Variants in SLC26A7 observed in about 807,000 individuals in gnomAD.
SLC26A7 encodes anion exchange transporter.
In SLC26A7, 59 loss-of-function variants were observed where a neutral mutation model predicts 82.5. That is an observed-to-expected ratio of 0.72 (90% CI 0.58 to 0.89). SLC26A7 has a LOEUF of 0.89. SLC26A7 is among the 40% of genes least tolerant of loss of function. The probability of loss-of-function intolerance (pLI) is 0.00; values close to 1 mark genes in which losing one functional copy is unlikely to be tolerated. For missense variants in SLC26A7, 820 were observed against 793.0 expected, an observed-to-expected ratio of 1.03 and a Z score of -0.41; for synonymous variants, 271 against 274.3, an observed-to-expected ratio of 0.99 and a Z score of 0.12.
At position 91,395,315 on chromosome 8, in the gene SLC26A7, A is replaced by T; in HGVS notation, c.*218A>T. 1 of 1,224,530 alleles carries T rather than the reference A, an allele frequency of 8.2e-7. No homozygotes were observed. Among genetic ancestry groups the T allele is most frequent in the South Asian group, 2.2e-5 (1 of 45,302 alleles). The allele number at this position is 1,224,530 out of a possible 1,614,324, so 75.9% of individuals were successfully genotyped here. A position where few individuals can be genotyped will look rare whatever the true frequency, so the allele number is the denominator to read the frequency against. ...AGATTCGCTTAGTTATTTTATGTAA[A>T]AATCAGTATGTGTTTAGTTTTAGTG... is the stretch of plus-strand genomic sequence containing the variant. On this transcript the variant is annotated 3_prime_UTR_variant, in exon 19 of 19. Transcript: ENST00000276609.
chr8:91,365,082 A>C (rs570514774), intron 13 of SLC26A7, among the ~76,000 whole-genome samples: 2 of 152,252 alleles, frequency 1.3e-5, no homozygotes, highest in South Asian at 4.2e-4. Flanking sequence ...GATTTGAGAG[A>C]TCTCTTCCCA....
At chr8:91,289,346 A>G (rs1448657803) in intron 3 of SLC26A7, 100 bp downstream of exon 3, 2 of 861,640 alleles carry the variant, frequency 2.3e-6, no homozygotes, top group African/African-American at 3.3e-5. Context: ...TCACTGCTGA[A>G]AACCACAGCA....
chr8:91,374,258 G>T (rs559647202), intron 15 of SLC26A7, among the ~76,000 whole-genome samples: 87 of 151,096 alleles, frequency 5.8e-4, no homozygotes, highest in African/African-American at 1.9e-3. Context: ...CTTTTCATCT[G>T]CTAGCTTTGG....
chr8:91,263,631 A>G (rs886910664), intron 2 of SLC26A7, among the ~76,000 whole-genome samples: 2 of 151,980 alleles, frequency 1.3e-5, no homozygotes, highest in Non-Finnish European at 2.9e-5. Context: ...TGCCTGGAAT[A>G]TTCTCTTAGT....
chr8:91,334,839 A>G (rs1023174745), intron 6 of SLC26A7, among the ~76,000 whole-genome samples: 5 of 152,180 alleles, frequency 3.3e-5, no homozygotes, highest in African/African-American at 9.6e-5. Flanking sequence ...AGATATGTAT[A>G]GAAATATTAT....
At position 91,239,393 on chromosome 8, in the gene SLC26A7, A is replaced by ATATATAT. The variant is rs1290343702; in HGVS notation, c.-33-10226_-33-10225insTATATAT. On this transcript the variant is annotated intron_variant, in intron 2 of 5. Coordinates refer to the SLC26A7 transcript ENST00000522862. ...TCCGTCTCAAAAAAAAAAAAAAAAAAAAATATATATATATATATGTATATG... is the reference window on the plus strand; with the variant it reads ...TCCGTCTCAAAAAAAAAAAAAAAAAATATATATAAATATATATATATATATGTATATG... 2.8e-3 allele frequency among the ~76,000 whole-genome samples: 283 copies of ATATATAT among 101,578 alleles called. 1 individual carries two copies. Among genetic ancestry groups the ATATATAT allele is most frequent in the African/African-American group, 8.6e-3 (260 of 30,226 alleles). 66.6% of individuals were successfully genotyped at this position (101,578 alleles called of 152,430 possible). A position where few individuals can be genotyped will look rare whatever the true frequency, so the allele number is the denominator to read the frequency against.
At chr8:91,213,906 T>C (rs1279534271) in intron 1 of SLC26A7, among the ~76,000 whole-genome samples, 1 of 152,032 alleles carries the variant, frequency 6.6e-6, no homozygotes, top group East Asian at 1.9e-4. Context: ...AAAGTTGAGG[T>C]CACATGCCAT....
intron 9 of SLC26A7, among the ~76,000 whole-genome samples, chr8:91,346,881 C>T (rs1813578155): frequency 6.6e-6 from 1 of 152,166 alleles, no homozygotes; most frequent in South Asian, 2.1e-4. Flanking sequence ...CCTTTCCCTT[C>T]CTCTCTATGT....
At chr8:91,387,056 A>G (rs1225418227) in intron 15 of SLC26A7, among the ~76,000 whole-genome samples, 1 of 152,052 alleles carries the variant, frequency 6.6e-6, no homozygotes, top group Non-Finnish European at 1.5e-5. Context: ...TTTTCTCAGA[A>G]AGTTTACCTA....
At chr8:91,343,328 A>G (rs1353935665) in intron 8 of SLC26A7, 25 bp from the exon 9 acceptor site, 4 of 1,382,812 alleles carry the variant, frequency 2.9e-6, no homozygotes, top group Non-Finnish European at 3.0e-6. Flanking sequence ...TTAAGATATT[A>G]TATATTCTCT....
At chr8:91,343,104 TA>T (rs1229898784) in intron 8 of SLC26A7, 429 of 338,074 alleles carry the variant, frequency 1.3e-3, no homozygotes, top group Middle Eastern at 1.8e-3. Context: ...CAGAGAGCAT[TA>T]AAAAAAAATA....
chr8:91,225,646 T>TTTG (rs1810226227), intron 2 of SLC26A7, among the ~76,000 whole-genome samples: 1 of 32,942 alleles, frequency 3.0e-5, no homozygotes, highest in African/African-American at 1.3e-4. Context: ...GAAAAGTGTT[T>TTTG]TTTTTTTTTT....
intron 1 of SLC26A7, among the ~76,000 whole-genome samples, chr8:91,213,372 TC>T (rs1809972002): frequency 6.6e-6 from 1 of 152,170 alleles, no homozygotes; most frequent in African/African-American, 2.4e-5. Context: ...ACCAGGACTG[TC>T]CTTGGCAAAT....
chr8:91,254,981 ACT>A (rs1296821563), intron 2 of SLC26A7, among the ~76,000 whole-genome samples: 1 of 151,992 alleles, frequency 6.6e-6, no homozygotes, highest in African/African-American at 2.4e-5. Context: ...GCAGTATAAG[ACT>A]CTGGTTTCTA....
In SLC26A7 at chr8:91,249,749, C is replaced by G. The variant is rs1204702760; in HGVS notation, c.98C>G (p.Pro33Arg). The G allele has an allele frequency of 6.2e-7, 1 of 1,612,388 alleles. No homozygotes were observed. Among genetic ancestry groups the G allele is most frequent in the Non-Finnish European group, 8.5e-7 (1 of 1,179,178 alleles). ...ATACAGTGGTGTAGAAGGCGACTGCCCATTTTGGATTGGGCACCACATTAC... is the reference window on the plus strand; with the variant it reads ...ATACAGTGGTGTAGAAGGCGACTGCGCATTTTGGATTGGGCACCACATTAC... ...DIIQWCRRRL[P>R]ILDWAPHYNL... The change falls in exon 2 of 19, where the codon CCC (proline) becomes CGC (arginine). Residue 33 changes from proline to arginine, a missense_variant. Coordinates refer to ENST00000276609, the MANE Select transcript of SLC26A7 (RefSeq NM_052832.4).
rs1165296305 is a variant in SLC26A7, at chr8:91,395,089, G to C, written c.1963G>C (p.Glu655Gln). Residue 655 changes from glutamate to glutamine, a missense_variant, in exon 19 of 19, where the codon GAA (glutamate) becomes CAA (glutamine). Transcript: ENST00000276609. ...TTTGAGCAAACTCAGTGACCACAGTGAAGTCTGAGACCCTTTTGTCACAGT... is the reference window on the plus strand; with the variant it reads ...TTTGAGCAAACTCAGTGACCACAGTCAAGTCTGAGACCCTTTTGTCACAGT... ...KNLSKLSDHS[E>Q]V 3 of 1,613,292 alleles carry C rather than the reference G, an allele frequency of 1.9e-6. No individual in the cohort carries two copies. The highest frequency in any genetic ancestry group is 2.5e-6 in the Non-Finnish European group (3 of 1,179,412).
intron 5 of SLC26A7, among the ~76,000 whole-genome samples, chr8:91,321,417 C>T (rs1465912851): frequency 3.3e-5 from 5 of 152,162 alleles, no homozygotes; most frequent in African/African-American, 4.8e-5. Flanking sequence ...GTGGTTGGGC[C>T]GCTCTTTCTC....
intron 15 of SLC26A7, among the ~76,000 whole-genome samples, chr8:91,379,505 A>T (rs1435910210): frequency 5.3e-5 from 8 of 151,936 alleles, no homozygotes; most frequent in Non-Finnish European, 1.2e-4. Context: ...GAGGGGGAAA[A>T]CCCTCACATG....
intron 8 of SLC26A7, 142 bp downstream of exon 8, chr8:91,340,693 T>C (rs915746773): frequency 1.7e-5 from 16 of 967,638 alleles, no homozygotes; most frequent in African/African-American, 3.3e-5. Context: ...AAAAGAAAAA[T>C]ATCAAAATCA....
Sources: allele counts gnomAD v4.1 joint callset (sites outside exome capture counted in the v4.1 genomes callset), GRCh38; gene constraint gnomAD v4.1.1; transcripts MANE v1.5; gene names NCBI Gene and HGNC (gene_info 2026-07-23, HGNC 2026-07-21).